SOX5: variants seen among roughly 807,000 people sequenced by gnomAD.
SOX5 encodes the protein transcription factor SOX-5.
In SOX5, 9 loss-of-function variants were observed where a neutral mutation model predicts 92.0. The observed-to-expected ratio is 0.10, with a 90% CI of 0.06 to 0.17. The LOEUF (loss-of-function observed/expected upper bound fraction) is 0.17. SOX5 is among the 10% of genes least tolerant of loss of function. The pLI is 1.00. For missense variants in SOX5, 642 were observed against 944.5 expected (o/e 0.68, Z 4.20); for synonymous variants, 344 against 336.3 (o/e 1.02, Z -0.25).
intron 6 of SOX5, among the ~76,000 whole-genome samples, chr12:23,682,942 T>C (rs2086866410): frequency 6.6e-6 from 1 of 151,900 alleles, no homozygotes; most frequent in Non-Finnish European, 1.5e-5. Flanking sequence ...ATTTGTCACC[T>C]GACTTCTTGA....
chr12:24,278,098 C>A (rs1944703449), intron 2 of SOX5, among the ~76,000 whole-genome samples: 1 of 152,180 alleles, frequency 6.6e-6, no homozygotes, highest in African/African-American at 2.4e-5. Flanking sequence ...AGCCTTGATT[C>A]TGGCTCAGTC....
intron 4 of SOX5, among the ~76,000 whole-genome samples, chr12:24,109,097 G>T (rs1235033526): frequency 6.6e-6 from 1 of 152,038 alleles, no homozygotes; most frequent in Non-Finnish European, 1.5e-5. Flanking sequence ...AAATCCAAAT[G>T]AATCTTTATT....
At chr12:23,690,173 T>C (rs2088498128) in intron 6 of SOX5, among the ~76,000 whole-genome samples, 1 of 152,146 alleles carries the variant, frequency 6.6e-6, no homozygotes. Context: ...CTCTTCCCAA[T>C]TGGGAGGGGG....
chr12:24,533,125 T>G (rs11047488), intron 1 of SOX5, among the ~76,000 whole-genome samples: 1 of 152,158 alleles, frequency 6.6e-6, no homozygotes. Flanking sequence ...TATAGATGCA[T>G]TTCTAGGTTT....
intron 1 of SOX5, among the ~76,000 whole-genome samples, chr12:24,467,918 C>A (rs1944398601): frequency 1.3e-5 from 2 of 151,904 alleles, no homozygotes; most frequent in Admixed American, 6.6e-5. Flanking sequence ...TGTCTGGACC[C>A]CTAAGTAGAA....
chr12:23,586,264 C>T (rs1566057373), intron 9 of SOX5, among the ~76,000 whole-genome samples: 1 of 152,100 alleles, frequency 6.6e-6, no homozygotes, highest in Admixed American at 6.6e-5. Context: ...GTGCCATCTA[C>T]CCCTGTCTCT....
intron 4 of SOX5, among the ~76,000 whole-genome samples, chr12:24,099,667 T>A (rs961051105): frequency 6.6e-6 from 1 of 152,158 alleles, no homozygotes; most frequent in Non-Finnish European, 1.5e-5. Flanking sequence ...CTGGGTAGCA[T>A]AACATATCAT....
At chr12:24,289,676 C>T (rs543581488) in intron 2 of SOX5, among the ~76,000 whole-genome samples, 1 of 148,390 alleles carries the variant, frequency 6.7e-6, no homozygotes, top group Non-Finnish European at 1.5e-5. Flanking sequence ...GGGATGGTCT[C>T]GATCTCCTGA....
intron 3 of SOX5, among the ~76,000 whole-genome samples, chr12:24,232,304 G>A (rs1294283894): frequency 6.6e-6 from 1 of 151,966 alleles, no homozygotes; most frequent in Non-Finnish European, 1.5e-5. Context: ...CTGAAATATG[G>A]GGATAACTCC....
At chr12:24,456,615 C>T (rs1262256956) in intron 1 of SOX5, among the ~76,000 whole-genome samples, 1 of 152,180 alleles carries the variant, frequency 6.6e-6, no homozygotes, top group Non-Finnish European at 1.5e-5. Flanking sequence ...AATGAAGGAA[C>T]TGAGGTTCAG....
chr12:23,886,587 A>C (rs548303271), intron 2 of SOX5, among the ~76,000 whole-genome samples: 1 of 152,222 alleles, frequency 6.6e-6, no homozygotes, highest in East Asian at 1.9e-4. Flanking sequence ...AAGTGTAATA[A>C]AAAATAATGA....
At chr12:24,514,839 G>A (rs560313772) in intron 1 of SOX5, among the ~76,000 whole-genome samples, 2 of 152,276 alleles carry the variant, frequency 1.3e-5, no homozygotes, top group African/African-American at 4.8e-5. Flanking sequence ...ACTCATAAGT[G>A]GAAGCTAAAT....
chr12:23,927,472 A>G (rs1940286418), intron 1 of SOX5, among the ~76,000 whole-genome samples: 1 of 152,044 alleles, frequency 6.6e-6, no homozygotes. Context: ...ATGGACATAC[A>G]TATAGGCAGG....
intron 3 of SOX5, among the ~76,000 whole-genome samples, chr12:24,224,858 A>G (rs1961513293): frequency 6.6e-6 from 1 of 152,098 alleles, no homozygotes; most frequent in Non-Finnish European, 1.5e-5. Flanking sequence ...TCATAACTAA[A>G]ACCTTACCCA....
intron 1 of SOX5, among the ~76,000 whole-genome samples, chr12:24,535,266 G>A (rs927986032): frequency 1.8e-4 from 27 of 152,230 alleles, no homozygotes; most frequent in African/African-American, 6.3e-4. Flanking sequence ...TAGTTTTCCC[G>A]TCTCTCCTCA....
At chr12:23,607,711 G>A (rs1156861494) in intron 8 of SOX5, among the ~76,000 whole-genome samples, 1 of 152,052 alleles carries the variant, frequency 6.6e-6, no homozygotes, top group Non-Finnish European at 1.5e-5. Context: ...GATGGGAAAG[G>A]GGCATGAAAT....
intron 1 of SOX5, among the ~76,000 whole-genome samples, chr12:23,929,929 C>T (rs937548981): frequency 6.6e-6 from 1 of 151,834 alleles, no homozygotes; most frequent in Non-Finnish European, 1.5e-5. Flanking sequence ...TTAGCATCTC[C>T]ATTTAATAAA....
At chr12:23,623,233 CA>C (rs2077386511) in intron 8 of SOX5, among the ~76,000 whole-genome samples, 1 of 152,096 alleles carries the variant, frequency 6.6e-6, no homozygotes. Context: ...GTACTCCTAA[CA>C]TATGAACAGT....
chr12:24,311,445 G>A (rs1481737995), intron 2 of SOX5, among the ~76,000 whole-genome samples: 1 of 151,916 alleles, frequency 6.6e-6, no homozygotes, highest in Non-Finnish European at 1.5e-5. Context: ...ATTATTTTTT[G>A]TCCCCTGCAA....
Sources: gnomAD v4.1 joint callset for allele counts (sites outside exome capture counted in the v4.1 genomes callset) on GRCh38, gnomAD v4.1.1 for gene constraint, MANE v1.5 for transcripts, NCBI Gene and HGNC (gene_info 2026-07-23, HGNC 2026-07-21) for gene names.